DISC1: variants seen among roughly 807,000 people sequenced by gnomAD.
DISC1 encodes the protein DISC1 scaffold protein.
A neutral mutation model predicts 84.5 loss-of-function variants in DISC1; 57 were observed. The ratio of observed to expected loss-of-function variants is 0.67; its 90% CI spans 0.55 to 0.84. The LOEUF (loss-of-function observed/expected upper bound fraction) is 0.84. Ranked by LOEUF, DISC1 falls within the 40% of genes least tolerant of loss-of-function variation. The probability of loss-of-function intolerance (pLI) is 0.00; values close to 1 mark genes in which losing one functional copy is unlikely to be tolerated. For synonymous variants in DISC1, 411 were observed against 415.2 expected, an observed-to-expected ratio of 0.99 and a Z score of 0.12; for missense variants, 1,000 against 1,057.8, an observed-to-expected ratio of 0.95 and a Z score of 0.76.
chr1:231,784,434 C>T (rs2077675331), intron 6 of DISC1, among the ~76,000 whole-genome samples: 2 of 152,122 alleles, frequency 1.3e-5, no homozygotes, highest in Admixed American at 1.3e-4. Flanking sequence ...GATGTATATT[C>T]AGAGAAAGAG....
chr1:231,703,518 C>T (rs1477792125), intron 3 of DISC1, among the ~76,000 whole-genome samples: 3 of 152,212 alleles, frequency 2.0e-5, no homozygotes, highest in African/African-American at 7.2e-5. Flanking sequence ...CCTGGACTCT[C>T]TACCTTTAAT....
chr1:231,796,083 G>C (rs1314431369), intron 7 of DISC1, among the ~76,000 whole-genome samples: 3 of 152,080 alleles, frequency 2.0e-5, no homozygotes, highest in Non-Finnish European at 2.9e-5. Context: ...GCAAGACCTT[G>C]GTTTGTGTAC....
rs2088469704 is a variant in DISC1 at position 231,904,506 on chromosome 1, G to A, written c.1982-54322G>A. On this transcript the variant is annotated intron_variant, in intron 9 of 12. Transcript: ENST00000439617. ...AATAAGGAAAGGGACAAAACTAGAA[G>A]GAACCCTGTGTTATGAGAGTAAAAC... Among the ~76,000 whole-genome samples the A allele has an allele frequency of 1.3e-5, 2 of 152,114 alleles. 1 individual carries two copies. The highest frequency in any genetic ancestry group is 4.1e-4 in the South Asian group (2 of 4,820).
At chr1:231,865,307 C>G (rs2084970786) in intron 9 of DISC1, among the ~76,000 whole-genome samples, 1 of 152,124 alleles carries the variant, frequency 6.6e-6, no homozygotes, top group South Asian at 2.1e-4. Flanking sequence ...TCGTTAATGC[C>G]CACTCTTCAT....
chr1:231,640,890 A>G (rs823160), intron 1 of DISC1, among the ~76,000 whole-genome samples: 64,791 of 151,562 alleles, frequency 0.43, 14,379 homozygotes, highest in East Asian at 0.81. Context: ...GTTGACTTAC[A>G]CTCTTTGGAG....
At chr1:231,825,648 C>T (rs1217151131) in intron 9 of DISC1, among the ~76,000 whole-genome samples, 7 of 152,122 alleles carry the variant, frequency 4.6e-5, no homozygotes, top group Non-Finnish European at 7.4e-5. Flanking sequence ...CTGGTCATTG[C>T]CTGCATCCAA....
At chr1:231,828,049 T>G (rs181174309) in intron 9 of DISC1, among the ~76,000 whole-genome samples, 5 of 152,350 alleles carry the variant, frequency 3.3e-5, no homozygotes, top group Admixed American at 3.3e-4. Context: ...TTTGGTTTAA[T>G]TATAACCAAA....
At chr1:231,764,821 T>C (rs1194746018) in intron 4 of DISC1, among the ~76,000 whole-genome samples, 3 of 152,342 alleles carry the variant, frequency 2.0e-5, no homozygotes, top group African/African-American at 4.8e-5. Context: ...CAAAGACTTA[T>C]GGTTTGGGAA....
At chr1:232,024,436 A>T (rs1669257191) in intron 11 of DISC1, among the ~76,000 whole-genome samples, 1 of 152,188 alleles carries the variant, frequency 6.6e-6, no homozygotes, top group African/African-American at 2.4e-5. Context: ...TTATTTGTGG[A>T]ATCTGATTAT....
chr1:231,883,807 G>A (rs1370524169), intron 9 of DISC1, among the ~76,000 whole-genome samples: 1 of 152,154 alleles, frequency 6.6e-6, no homozygotes, highest in Non-Finnish European at 1.5e-5. Flanking sequence ...AAAGGATCAG[G>A]TGCAGGAGAA....
intron 6 of DISC1, among the ~76,000 whole-genome samples, chr1:231,791,499 T>G (rs73119128): frequency 2.5e-4 from 38 of 152,344 alleles, no homozygotes; most frequent in African/African-American, 8.4e-4. Flanking sequence ...CTCATCTACA[T>G]AGAGAATTTG....
chr1:231,840,261 A>C (rs1352872432), intron 9 of DISC1, among the ~76,000 whole-genome samples: 1 of 152,168 alleles, frequency 6.6e-6, no homozygotes, highest in Non-Finnish European at 1.5e-5. Context: ...ATGGAGTTAA[A>C]CATTACACTT....
intron 1 of DISC1, among the ~76,000 whole-genome samples, chr1:231,658,403 A>G (rs986386272): frequency 2.0e-5 from 3 of 152,202 alleles, no homozygotes; most frequent in Non-Finnish European, 4.4e-5. Flanking sequence ...TTTTCTAGAT[A>G]TAGGATCATG....
At chr1:231,900,271 G>A (rs72760462) in intron 9 of DISC1, among the ~76,000 whole-genome samples, 11,210 of 152,262 alleles carry the variant, frequency 0.074, 668 homozygotes, top group East Asian at 0.31. Flanking sequence ...CTGCAAGCTA[G>A]CGCACATTCC....
At chr1:231,657,315 A>G (rs1558261460) in intron 1 of DISC1, among the ~76,000 whole-genome samples, 1 of 152,190 alleles carries the variant, frequency 6.6e-6, no homozygotes, top group Non-Finnish European at 1.5e-5. Flanking sequence ...ACATCTTAGT[A>G]ACAGCCATTC....
chr1:231,984,109 TC>T (rs1242328952), intron 10 of DISC1, among the ~76,000 whole-genome samples: 2 of 152,226 alleles, frequency 1.3e-5, no homozygotes, highest in East Asian at 3.8e-4. Flanking sequence ...TCATTACTGA[TC>T]TTTGAACAGA....
At chr1:231,935,372 T>C (rs747297090) in intron 9 of DISC1, among the ~76,000 whole-genome samples, 1 of 152,108 alleles carries the variant, frequency 6.6e-6, no homozygotes, top group Non-Finnish European at 1.5e-5. Flanking sequence ...TAAATTTTAT[T>C]AGAGTGCTTC....
chr1:231,744,998 CA>C (rs1157289572), intron 3 of DISC1, among the ~76,000 whole-genome samples: 1 of 151,480 alleles, frequency 6.6e-6, no homozygotes, highest in African/African-American at 2.4e-5. Flanking sequence ...ACTTGTATAA[CA>C]TTTTATTTAT....
intron 3 of DISC1, among the ~76,000 whole-genome samples, chr1:231,748,310 GT>G (rs2074235020): frequency 1.3e-5 from 2 of 152,154 alleles, no homozygotes; most frequent in African/African-American, 4.8e-5. Flanking sequence ...TCCTTGTGCT[GT>G]TCCATTTATT....
Sources: allele counts gnomAD v4.1 joint callset (sites outside exome capture counted in the v4.1 genomes callset), GRCh38; gene constraint gnomAD v4.1.1; transcripts MANE v1.5; gene names NCBI Gene and HGNC (gene_info 2026-07-23, HGNC 2026-07-21).